PARD3: variants seen among roughly 807,000 people sequenced by gnomAD.
The protein encoded by PARD3 is par-3 family cell polarity regulator.
A neutral mutation model predicts 155.4 loss-of-function variants in PARD3; 75 were observed. The ratio of observed to expected loss-of-function variants is 0.48; its 90% CI spans 0.40 to 0.58. PARD3 has a LOEUF of 0.58. Among genes scored for constraint, PARD3 ranks in the 20% least tolerant of loss-of-function variants. The pLI, the probability that PARD3 is intolerant of heterozygous loss-of-function variation, is 0.00. For synonymous variants in PARD3, 576 were observed against 610.5 expected (o/e 0.94, Z 0.83); for missense variants, 1,642 against 1,721.7 (o/e 0.95, Z 0.82).
At chr10:34,666,636 G>A (rs1430864548) in intron 2 of PARD3, among the ~76,000 whole-genome samples, 1 of 151,528 alleles carries the variant, frequency 6.6e-6, no homozygotes, top group African/African-American at 2.4e-5. Flanking sequence ...GAGAGGGACA[G>A]GGCAGGCACA....
Position 34,222,075 on chromosome 10 carries a change from C to T in PARD3, c.3419+47582G>A, listed in dbSNP as rs138372287. ...CTATATAAAGATGAAAGGTAAAATT[C>T]ATGCTAATGATTTAAAAGTTTATTT... On this transcript the variant is annotated intron_variant, in intron 22 of 24. Coordinates refer to ENST00000374788, the MANE Select transcript of PARD3 (RefSeq NM_001184785.2). 2.4e-3 allele frequency among the ~76,000 whole-genome samples: 368 copies of T among 152,246 alleles called. 2 individuals carry two copies. Among genetic ancestry groups the T allele is most frequent in the African/African-American group, 8.1e-3 (338 of 41,544 alleles).
At chr10:34,594,880 A>T (rs1031145556) in intron 2 of PARD3, among the ~76,000 whole-genome samples, 61 of 152,162 alleles carry the variant, frequency 4.0e-4, no homozygotes, top group Admixed American at 3.1e-3. Context: ...GAGGGCTTTT[A>T]ACCAAGTTTT....
At chr10:34,460,691 G>A (rs900014961) in intron 4 of PARD3, among the ~76,000 whole-genome samples, 1 of 151,978 alleles carries the variant, frequency 6.6e-6, no homozygotes, top group Non-Finnish European at 1.5e-5. Context: ...AAATTAGCCG[G>A]GTGTGGTGGC....
Position 34,755,263 on chromosome 10 carries a change from T to G in PARD3, c.121-58844A>C, listed in dbSNP as rs1836565722. Among the ~76,000 whole-genome samples the G allele has an allele frequency of 2.0e-5, 3 of 149,010 alleles. No homozygotes were observed. The South Asian group carries it at 6.4e-4, about 32-fold the overall frequency. On this transcript the variant is annotated intron_variant, in intron 1 of 24. Coordinates refer to ENST00000374788, the MANE Select transcript of PARD3 (RefSeq NM_001184785.2). Reference sequence around the variant, plus strand: ...CTAAAAATTAAAAAAAAAAAAAAAATTAGCCGGGCGTGGTGGCATGCACCC... The same window carrying G: ...CTAAAAATTAAAAAAAAAAAAAAAAGTAGCCGGGCGTGGTGGCATGCACCC...
chr10:34,388,683 C>T (rs557426913), intron 7 of PARD3, among the ~76,000 whole-genome samples: 8 of 152,268 alleles, frequency 5.3e-5, no homozygotes, highest in Non-Finnish European at 7.4e-5. Flanking sequence ...CATTTTGGCA[C>T]GTCAGTGTGC....
chr10:34,469,702 G>A (rs1250121485), intron 4 of PARD3, among the ~76,000 whole-genome samples: 1 of 152,058 alleles, frequency 6.6e-6, no homozygotes, highest in African/African-American at 2.4e-5. Flanking sequence ...ATCCCTGTAA[G>A]AACATAGAAA....
intron 2 of PARD3, among the ~76,000 whole-genome samples, chr10:34,546,205 G>T (rs2804720): frequency 0.4 from 61,254 of 151,526 alleles, 12,417 homozygotes; most frequent in South Asian, 0.45. Flanking sequence ...TCTTTTTTTT[G>T]AAGTTAACAG....
intron 22 of PARD3, among the ~76,000 whole-genome samples, chr10:34,190,909 C>T (rs1012857283): frequency 2.0e-5 from 3 of 151,840 alleles, no homozygotes; most frequent in Non-Finnish European, 2.9e-5. Flanking sequence ...TGGCATCTCG[C>T]GGGTCCTGTA....
intron 1 of PARD3, among the ~76,000 whole-genome samples, chr10:34,771,122 G>A (rs1411819936): frequency 1.3e-5 from 2 of 152,192 alleles, no homozygotes; most frequent in Non-Finnish European, 2.9e-5. Context: ...CAAGCCCTGT[G>A]ATTTTCATCA....
intron 1 of PARD3, among the ~76,000 whole-genome samples, chr10:34,736,041 T>C (rs116580047): frequency 0.02 from 2,992 of 152,122 alleles, 99 homozygotes; most frequent in African/African-American, 0.068. Context: ...TTTTTTTTTC[T>C]TTCTTTTGAG....
At chr10:34,261,158 A>C (rs965918877) in intron 22 of PARD3, among the ~76,000 whole-genome samples, 1 of 152,172 alleles carries the variant, frequency 6.6e-6, no homozygotes, top group African/African-American at 2.4e-5. Context: ...CTGGTGGCAA[A>C]TGATTGCATA....
chr10:34,676,438 C>G (rs902968706), intron 2 of PARD3, among the ~76,000 whole-genome samples: 2 of 152,136 alleles, frequency 1.3e-5, no homozygotes, highest in Non-Finnish European at 2.9e-5. Context: ...AGAAGTCTAC[C>G]TGATTCTTCG....
At chr10:34,710,170 G>A (rs570609676) in intron 1 of PARD3, among the ~76,000 whole-genome samples, 8 of 152,166 alleles carry the variant, frequency 5.3e-5, no homozygotes, top group Non-Finnish European at 7.4e-5. Flanking sequence ...AGCTATACAC[G>A]TAAAAACAGG....
intron 5 of PARD3, among the ~76,000 whole-genome samples, chr10:34,416,617 G>A (rs187533223): frequency 3.1e-4 from 47 of 152,110 alleles, no homozygotes; most frequent in South Asian, 2.1e-4. Context: ...TCCAGAATGC[G>A]CTGGATTACT....
At position 34,518,451 on chromosome 10, in the gene PARD3, C is replaced by T. The variant is rs201285424; in HGVS notation, c.223-1292G>A. ...GGAAACACATGGTAAGCCTGGAATG[C>T]CTTGTGATGTCAAAAAGGGGTACTC... On this transcript the variant is annotated intron_variant, in intron 2 of 24. Transcript: ENST00000374788. 1.4e-4 allele frequency among the ~76,000 whole-genome samples: 21 copies of T among 152,216 alleles called. No individual in the cohort carries two copies. The East Asian group carries it at 4.1e-3, about 29-fold the overall frequency.
At chr10:34,257,732 C>T (rs984811739) in intron 22 of PARD3, among the ~76,000 whole-genome samples, 7 of 152,186 alleles carry the variant, frequency 4.6e-5, no homozygotes, top group Non-Finnish European at 8.8e-5. Context: ...AAATAAACAA[C>T]CCCCATTACA....
intron 1 of PARD3, among the ~76,000 whole-genome samples, chr10:34,697,766 A>AACACGCACACACACACACACACAC (rs377094946): frequency 6.3e-4 from 93 of 146,536 alleles, no homozygotes; most frequent in Middle Eastern, 3.5e-3. Flanking sequence ...TTGTAAAACA[A>AACACGCACACACACACACACACAC]ACACTCACAC....
intron 2 of PARD3, among the ~76,000 whole-genome samples, chr10:34,621,878 T>C (rs1467409698): frequency 6.6e-6 from 1 of 152,174 alleles, no homozygotes; most frequent in Non-Finnish European, 1.5e-5. Context: ...ATAAAATGTA[T>C]TTTGATAAAG....
At chr10:34,766,043 A>T (rs1429231496) in intron 1 of PARD3, among the ~76,000 whole-genome samples, 1 of 152,230 alleles carries the variant, frequency 6.6e-6, no homozygotes, top group Non-Finnish European at 1.5e-5. Context: ...AATCTGAAGA[A>T]TCAAACTATC....
Sources: gnomAD v4.1 joint callset for allele counts (sites outside exome capture counted in the v4.1 genomes callset) on GRCh38, gnomAD v4.1.1 for gene constraint, MANE v1.5 for transcripts, NCBI Gene and HGNC (gene_info 2026-07-23, HGNC 2026-07-21) for gene names.